The following PPFIBP1 variants were observed in gnomAD, a reference collection of about 807,000 sequenced individuals.
The protein encoded by PPFIBP1 is liprin-beta-1.
In PPFIBP1, 112 loss-of-function variants were observed where a neutral mutation model predicts 137.8. That is an observed-to-expected ratio of 0.81 (90% CI 0.70 to 0.95). The LOEUF is 0.95. PPFIBP1 is among the 40% of genes least tolerant of loss of function. The pLI is 0.00. For missense variants in PPFIBP1, 1,083 were observed against 1,196.6 expected, an observed-to-expected ratio of 0.91 and a Z score of 1.40; for synonymous variants, 378 against 417.3, an observed-to-expected ratio of 0.91 and a Z score of 1.15.
chr12:27,657,564 T>C (rs867957886), intron 9 of PPFIBP1, among the ~76,000 whole-genome samples: 11 of 151,912 alleles, frequency 7.2e-5, no homozygotes, highest in Middle Eastern at 3.4e-3. Context: ...TAACATTGTC[T>C]GTCCAATGAG....
rs373637167 is a variant in PPFIBP1 at position 27,682,387 on chromosome 12, G to A, written c.2047G>A (p.Glu683Lys). ...LQASQQDLEK[E>K]LGIKHSLHRK... ...ATAAAGTCAATGTTTATTGTTTCAG[G>A]AACTTGGAATCAAGCATTCACTTCA... is the stretch of plus-strand genomic sequence containing the variant. The change falls in exon 23 of 30, where the codon GAA becomes AAA. Residue 683 changes from glutamate to lysine, a missense_variant and splice_region_variant. Physicochemically the swap from Glu to Lys is moderately conservative, Grantham distance 56 (BLOSUM62 1). Coordinates refer to ENST00000228425, the MANE Select transcript of PPFIBP1 (RefSeq NM_003622.4). 4.4e-6 allele frequency: 7 copies of A among 1,602,436 alleles called. No homozygotes were observed. The highest frequency in any genetic ancestry group is 1.3e-5 in the African/African-American group (1 of 74,674).
At position 27,682,379 on chromosome 12, in the gene PPFIBP1, T is replaced by C. The variant is rs150360844; in HGVS notation, c.2047-8T>C. On this transcript the variant is annotated splice_region_variant and splice_polypyrimidine_tract_variant and intron_variant, in intron 22 of 29. Coordinates refer to ENST00000228425, the MANE Select transcript of PPFIBP1 (RefSeq NM_003622.4). ...ATAGAATTATAAAGTCAATGTTTAT[T>C]GTTTCAGGAACTTGGAATCAAGCAT... The C allele has an allele frequency of 1.3e-3, 2,058 of 1,588,136 alleles. 7 individuals carry two copies. Among genetic ancestry groups the C allele is most frequent in the Middle Eastern group, 6.8e-3 (41 of 6,016 alleles).
chr12:27,622,457 G>A (rs1434903748), intron 2 of PPFIBP1, among the ~76,000 whole-genome samples: 11 of 152,200 alleles, frequency 7.2e-5, no homozygotes, highest in Non-Finnish European at 1.2e-4. Flanking sequence ...CTCAATTTCT[G>A]TACTTACAGT....
At chr12:27,554,459 G>C (rs1170484481) in intron 1 of PPFIBP1, among the ~76,000 whole-genome samples, 1 of 152,166 alleles carries the variant, frequency 6.6e-6, no homozygotes, top group Non-Finnish European at 1.5e-5. Context: ...AGAGACAGCT[G>C]ATGACAGTCA....
intron 7 of PPFIBP1, 77 bp from the exon 8 acceptor site, chr12:27,654,645 T>A (rs1565948500): frequency 2.7e-6 from 4 of 1,502,168 alleles, no homozygotes; most frequent in Non-Finnish European, 3.5e-6. Context: ...TCTTAAGATT[T>A]CCAAGCTGCT....
intron 4 of PPFIBP1, chr12:27,637,080 A>G (rs2057732092): frequency 6.6e-6 from 1 of 152,180 alleles, no homozygotes; most frequent in South Asian, 2.1e-4. Flanking sequence ...TCCTTGTCTT[A>G]CATCTCCCTG....
intron 8 of PPFIBP1, among the ~76,000 whole-genome samples, chr12:27,656,031 G>T (rs572269955): frequency 5.3e-5 from 8 of 152,268 alleles, no homozygotes; most frequent in African/African-American, 1.7e-4. Context: ...TCCACTATCT[G>T]TTTTCGAAAT....
intron 2 of PPFIBP1, among the ~76,000 whole-genome samples, chr12:27,590,634 C>T (rs2052389847): frequency 1.3e-5 from 2 of 152,130 alleles, no homozygotes; most frequent in Admixed American, 1.3e-4. Context: ...AAAGGAGGGT[C>T]ATGATCCCTT....
rs574979681 is a variant in PPFIBP1, at chr12:27,617,872, T to A, written c.-35-15490T>A. 2.6e-4 allele frequency among the ~76,000 whole-genome samples: 40 copies of A among 152,286 alleles called. No individual in the cohort carries two copies. The South Asian group carries it at 8.1e-3, about 31-fold the overall frequency. On this transcript the variant is annotated intron_variant, in intron 2 of 29. Coordinates refer to ENST00000228425, the MANE Select transcript of PPFIBP1 (RefSeq NM_003622.4). ...ATGAGACATAGTAAAATATGGAAAA[T>A]CCTGACTATATTGATCATTTAGTAG...
intron 2 of PPFIBP1, among the ~76,000 whole-genome samples, chr12:27,600,918 C>T (rs1336814789): frequency 6.6e-6 from 1 of 152,154 alleles, no homozygotes; most frequent in Non-Finnish European, 1.5e-5. Context: ...ATGGTCATAG[C>T]AAGCTAATTA....
intron 1 of PPFIBP1, among the ~76,000 whole-genome samples, chr12:27,544,654 C>G (rs1192805966): frequency 1.3e-5 from 2 of 152,200 alleles, no homozygotes; most frequent in Non-Finnish European, 2.9e-5. Context: ...CTCATCATCA[C>G]TGATCATTAG....
rs146077220 is a variant in PPFIBP1 at position 27,550,293 on chromosome 12, C to T, written c.-124+25928C>T. 3.3e-5 allele frequency among the ~76,000 whole-genome samples: 5 copies of T among 152,254 alleles called. No individual in the cohort carries two copies. The East Asian group carries it at 9.7e-4, about 29-fold the overall frequency. On this transcript the variant is annotated intron_variant, in intron 1 of 29. Coordinates refer to ENST00000228425, the MANE Select transcript of PPFIBP1 (RefSeq NM_003622.4). ...AGGGCTCTGGGTGCCCATACATTGTCCCTATGGAGTTTCTGTACTTAAAGC... is the reference window on the plus strand; with the variant it reads ...AGGGCTCTGGGTGCCCATACATTGTTCCTATGGAGTTTCTGTACTTAAAGC...
At chr12:27,582,431 G>A (rs1160771827) in intron 2 of PPFIBP1, among the ~76,000 whole-genome samples, 1 of 152,088 alleles carries the variant, frequency 6.6e-6, no homozygotes, top group Non-Finnish European at 1.5e-5. Context: ...ATGGTATTTT[G>A]GGGAAACCTG....
chr12:27,585,266 G>T (rs2051595534), intron 2 of PPFIBP1, among the ~76,000 whole-genome samples: 1 of 152,186 alleles, frequency 6.6e-6, no homozygotes, highest in South Asian at 2.1e-4. Context: ...TGTACTATAA[G>T]TCTGTAGTCA....
Position 27,693,010 on chromosome 12 carries a change from G to C in PPFIBP1, c.*128G>C. 7.1e-7 allele frequency: 1 copy of C among 1,412,540 alleles called. No individual in the cohort carries two copies. Among genetic ancestry groups the C allele is most frequent in the Non-Finnish European group, 9.3e-7 (1 of 1,077,448 alleles). The allele number at this position is 1,412,540 out of a possible 1,614,324, so 87.5% of individuals were successfully genotyped here. A position where few individuals can be genotyped will look rare whatever the true frequency, so the allele number is the denominator to read the frequency against. On this transcript the variant is annotated 3_prime_UTR_variant, in exon 30 of 30. Coordinates refer to ENST00000228425, the MANE Select transcript of PPFIBP1 (RefSeq NM_003622.4). ...TTGTTCCAACTTCTGCTGTCGAGAA[G>C]TTTAAACAGAAAGCAGGAGTAATGT...
intron 1 of PPFIBP1, among the ~76,000 whole-genome samples, chr12:27,533,303 T>A (rs897143450): frequency 6.6e-6 from 1 of 152,188 alleles, no homozygotes; most frequent in Non-Finnish European, 1.5e-5. Flanking sequence ...CTTATCAGGT[T>A]TTTAGGAGAA....
chr12:27,551,483 A>G (rs1441144217), intron 1 of PPFIBP1, among the ~76,000 whole-genome samples: 1 of 152,248 alleles, frequency 6.6e-6, no homozygotes, highest in Non-Finnish European at 1.5e-5. Context: ...TTTAAAAGGA[A>G]CATTGTAAAT....
chr12:27,620,136 CTCT>C (rs1454693884), intron 2 of PPFIBP1, among the ~76,000 whole-genome samples: 1 of 152,170 alleles, frequency 6.6e-6, no homozygotes, highest in Non-Finnish European at 1.5e-5. Context: ...TTGCTTCTAC[CTCT>C]GTCACCCCTG....
At chr12:27,564,446 T>A (rs952914639) in intron 1 of PPFIBP1, among the ~76,000 whole-genome samples, 1 of 152,216 alleles carries the variant, frequency 6.6e-6, no homozygotes. Context: ...ATTTACCAAG[T>A]CTGGTCTTGT....
Sources: allele counts gnomAD v4.1 joint callset (sites outside exome capture counted in the v4.1 genomes callset), GRCh38; gene constraint gnomAD v4.1.1; transcripts MANE v1.5; gene names NCBI Gene and HGNC (gene_info 2026-07-23, HGNC 2026-07-21).